The following AK5 variants were observed in gnomAD, a reference collection of about 807,000 sequenced individuals.
AK5 encodes adenylate kinase isoenzyme 5.
In AK5, 27 loss-of-function variants were observed where a neutral mutation model predicts 69.5. The ratio of observed to expected loss-of-function variants is 0.39; its 90% confidence interval spans 0.29 to 0.54. The LOEUF is 0.54. AK5 is among the 20% of genes least tolerant of loss of function. The pLI is 0.71. For synonymous variants in AK5, 260 were observed against 244.4 expected (o/e 1.06, Z -0.60); for missense variants, 531 against 700.4 (o/e 0.76, Z 2.73).
chr1:77,503,235 C>T (rs193077800), intron 10 of AK5, among the ~76,000 whole-genome samples: 38 of 152,218 alleles, frequency 2.5e-4, no homozygotes, highest in African/African-American at 8.4e-4. Context: ...CATGCCAGGC[C>T]TGTGAGGAAG....
At chr1:77,293,209 A>T (rs1396752296) in intron 2 of AK5, among the ~76,000 whole-genome samples, 2 of 152,182 alleles carry the variant, frequency 1.3e-5, no homozygotes, top group Non-Finnish European at 2.9e-5. Context: ...TTTATTCATT[A>T]TGCCACCAAG....
chr1:77,377,735 G>A (rs1488140068), intron 6 of AK5, among the ~76,000 whole-genome samples: 10 of 152,146 alleles, frequency 6.6e-5, no homozygotes, highest in Non-Finnish European at 8.8e-5. Flanking sequence ...AATACTAATG[G>A]TTCCTTAAGC....
intron 8 of AK5, among the ~76,000 whole-genome samples, chr1:77,444,992 C>T (rs956796891): frequency 3.3e-5 from 5 of 152,100 alleles, no homozygotes; most frequent in Non-Finnish European, 7.4e-5. Flanking sequence ...CATGTTGTGA[C>T]AAATGGCAGG....
chr1:77,408,980 T>A (rs1410360242), intron 6 of AK5, among the ~76,000 whole-genome samples: 1 of 152,198 alleles, frequency 6.6e-6, no homozygotes, highest in Admixed American at 6.5e-5. Flanking sequence ...GTTCTTATCG[T>A]TTAGCTCCCA....
intron 8 of AK5, among the ~76,000 whole-genome samples, chr1:77,433,044 G>C (rs770596371): frequency 4.3e-4 from 66 of 152,242 alleles, no homozygotes; most frequent in African/African-American, 1.5e-3. Context: ...CTTTTTTCGG[G>C]TATGAGACTT....
At chr1:77,489,482 G>T (rs912482881) in intron 10 of AK5, among the ~76,000 whole-genome samples, 3 of 152,112 alleles carry the variant, frequency 2.0e-5, no homozygotes, top group Non-Finnish European at 4.4e-5. Context: ...ATGGTATTTT[G>T]GGACTGCTTT....
intron 8 of AK5, among the ~76,000 whole-genome samples, chr1:77,475,982 A>G (rs1470505762): frequency 6.6e-6 from 1 of 152,170 alleles, no homozygotes; most frequent in Non-Finnish European, 1.5e-5. Context: ...TTTTTTCTTT[A>G]AAATTTCTTA....
chr1:77,295,174 A>G (rs1658920960), intron 3 of AK5, among the ~76,000 whole-genome samples: 1 of 152,244 alleles, frequency 6.6e-6, no homozygotes, highest in Non-Finnish European at 1.5e-5. Context: ...AAACTCTGGC[A>G]TGAAATATTC....
chr1:77,424,175 G>T (rs1223109868), intron 8 of AK5, among the ~76,000 whole-genome samples: 1 of 152,210 alleles, frequency 6.6e-6, no homozygotes, highest in Non-Finnish European at 1.5e-5. Context: ...TACAAGGTAT[G>T]TCAAAAGGCA....
chr1:77,321,096 C>G (rs778820265), intron 5 of AK5, among the ~76,000 whole-genome samples: 1 of 152,160 alleles, frequency 6.6e-6, no homozygotes, highest in Non-Finnish European at 1.5e-5. Context: ...GTCTAGAACA[C>G]TGTATCAAAC....
At chr1:77,430,786 T>C (rs1171192568) in intron 8 of AK5, among the ~76,000 whole-genome samples, 2 of 152,140 alleles carry the variant, frequency 1.3e-5, no homozygotes, top group Admixed American at 1.3e-4. Context: ...GTGCCAAATG[T>C]GGCTGAGAAG....
rs80087296 is a variant in AK5, at chr1:77,514,248, G to A, written c.1148-4316G>A. Among the ~76,000 whole-genome samples, 534 of 152,182 alleles carry A rather than the reference G, an allele frequency of 3.5e-3. 7 individuals carry two copies. Among genetic ancestry groups the A allele is most frequent in the African/African-American group, 0.012 (506 of 41,504 alleles). On this transcript the variant is annotated intron_variant, in intron 10 of 13. Transcript: ENST00000354567. ...GGTGTATGGGCTTATTCAGGGGTTC[G>A]AGCCTTGGGTAATGGTACACTAAAA...
intron 5 of AK5, among the ~76,000 whole-genome samples, chr1:77,310,229 C>T (rs12062661): frequency 0.021 from 3,120 of 152,134 alleles, 134 homozygotes; most frequent in African/African-American, 0.072. Context: ...ATGACTTATT[C>T]CTGTATAGAC....
intron 6 of AK5, among the ~76,000 whole-genome samples, chr1:77,361,866 G>T (rs991144870): frequency 2.0e-5 from 3 of 152,126 alleles, no homozygotes; most frequent in Non-Finnish European, 4.4e-5. Context: ...CTCCTACCGG[G>T]TTCCTCCCAG....
At chr1:77,505,316 C>T (rs1656962446) in intron 10 of AK5, among the ~76,000 whole-genome samples, 1 of 152,118 alleles carries the variant, frequency 6.6e-6, no homozygotes, top group African/African-American at 2.4e-5. Context: ...TACTTATTTT[C>T]CATCAACAAG....
chr1:77,444,122 A>C (rs1233976839), intron 8 of AK5, among the ~76,000 whole-genome samples: 1 of 146,692 alleles, frequency 6.8e-6, no homozygotes, highest in Admixed American at 6.9e-5. Flanking sequence ...CCACTGCCCA[A>C]CCCTGATCCT....
At chr1:77,304,070 T>C (rs1411152777) in intron 5 of AK5, among the ~76,000 whole-genome samples, 4 of 152,190 alleles carry the variant, frequency 2.6e-5, no homozygotes, top group Non-Finnish European at 4.4e-5. Context: ...AGTCTCCCTG[T>C]TTTGCTATCA....
chr1:77,456,941 A>G (rs1653525792), intron 8 of AK5, among the ~76,000 whole-genome samples: 1 of 151,520 alleles, frequency 6.6e-6, no homozygotes, highest in Non-Finnish European at 1.5e-5. Context: ...AAAAAAGTCA[A>G]TGGGAGGTAC....
At chr1:77,523,956 G>A (rs753615482) in intron 12 of AK5, among the ~76,000 whole-genome samples, 17 of 151,986 alleles carry the variant, frequency 1.1e-4, no homozygotes, top group African/African-American at 2.9e-4. Flanking sequence ...GTGAGCCACC[G>A]CACCTGCCTG....
Sources: gnomAD v4.1 joint callset for allele counts (sites outside exome capture counted in the v4.1 genomes callset) on GRCh38, gnomAD v4.1.1 for gene constraint, MANE v1.5 for transcripts, NCBI Gene and HGNC (gene_info 2026-07-23, HGNC 2026-07-21) for gene names.